Variants in CCDC185 observed in about 807,000 individuals in gnomAD.
CCDC185 encodes the protein coiled-coil domain containing 185.
For synonymous variants in CCDC185, 381 were observed against 348.1 expected, an observed-to-expected ratio of 1.09 and a Z score of -1.05; for missense variants, 982 against 825.3, an observed-to-expected ratio of 1.19 and a Z score of -2.33.
In CCDC185 at chr1:223,394,516, G is replaced by A; in HGVS notation, c.1041G>A (p.Lys347=). Residue 347 remains lysine (K), a synonymous_variant, in exon 1 of 1, where the codon AAG becomes AAA. Coordinates refer to ENST00000366875, the MANE Select transcript of CCDC185 (RefSeq NM_152610.3). Reference sequence around the variant, plus strand: ...TGCCCCCGGGGGAAAGCCGGTGGAAGGAGCAACCAGAGGACCAGGAGAGCC... The same window carrying A: ...TGCCCCCGGGGGAAAGCCGGTGGAAAGAGCAACCAGAGGACCAGGAGAGCC... ...KNVPPGESRW[K]EQPEDQESPR... is the part of the protein sequence containing the mutation. The A allele has an allele frequency of 1.3e-6, 2 of 1,592,652 alleles. No homozygotes were observed. Among genetic ancestry groups the A allele is most frequent in the Non-Finnish European group, 1.7e-6 (2 of 1,170,292 alleles).
Position 223,395,429 on chromosome 1 carries a change from A to G in CCDC185, c.*82A>G. ...TCCTTTTGTAATCTGATTATAATTG[A>G]ACATTGATTTTAAAAAAGCATGTAA... On this transcript the variant is annotated 3_prime_UTR_variant, in exon 1 of 1. Transcript: ENST00000366875. 6.9e-6 allele frequency: 9 copies of G among 1,305,412 alleles called. No individual in the cohort carries two copies. Among genetic ancestry groups the G allele is most frequent in the Non-Finnish European group, 9.0e-6 (9 of 1,000,460 alleles). The allele number at this position is 1,305,412 out of a possible 1,614,324, so 80.9% of individuals were successfully genotyped here.
rs1390039277 is a variant in CCDC185, at chr1:223,393,943, C to T, written c.468C>T (p.Pro156=). ...CTTGCCCCGGAGGAGCTGGCACTCC[C>T]CTGAGTGGCACATTCAGGGTAGAAA... ...PPPCPGGAGT[P]LSGTFRVEKA... Residue 156 remains proline (P), a synonymous_variant, in exon 1 of 1, where the codon CCC becomes CCT. Coordinates refer to ENST00000366875, the MANE Select transcript of CCDC185 (RefSeq NM_152610.3). The surrounding 1 kb of genome is among the most constrained non-coding windows in gnomAD (Gnocchi z 4.8). 6.2e-7 allele frequency: 1 copy of T among 1,613,540 alleles called. No individual in the cohort carries two copies. The highest frequency in any genetic ancestry group is 1.3e-5 in the African/African-American group (1 of 75,070).
Position 223,394,352 on chromosome 1 carries a change from A to G in CCDC185, c.877A>G (p.Lys293Glu), listed in dbSNP as rs1669616875. The G allele has an allele frequency of 6.3e-7, 1 of 1,590,552 alleles. No homozygotes were observed. Among genetic ancestry groups the G allele is most frequent in the African/African-American group, 1.3e-5 (1 of 74,524 alleles). ...AWEELKRSDQ[K>E]VQMTLERERR... ...GGAGGAGCTGAAGCGCTCGGATCAG[A>G]AGGTCCAGATGACCCTGGAGCGGGA... Residue 293 changes from lysine (K) to glutamate (E), a missense_variant, in exon 1 of 1, where the codon AAG becomes GAG. Coordinates refer to ENST00000366875, the MANE Select transcript of CCDC185 (RefSeq NM_152610.3).
Position 223,394,298 on chromosome 1 carries a change from G to C in CCDC185, c.823G>C (p.Glu275Gln). The change falls in exon 1 of 1, where the codon GAG becomes CAG. Residue 275 changes from glutamate (E) to glutamine (Q), a missense_variant. Physicochemically the swap from Glu to Gln is conservative, Grantham distance 29 (BLOSUM62 2). Coordinates refer to ENST00000366875, the MANE Select transcript of CCDC185 (RefSeq NM_152610.3). Reference sequence around the variant, plus strand: ...TCTCAAGAAGGCCCAGAGGATACGGGAGCTGCAGCAGCAGGCGGCTAAGGC... The same window carrying C: ...TCTCAAGAAGGCCCAGAGGATACGGCAGCTGCAGCAGCAGGCGGCTAAGGC... ...TRLKKAQRIR[E>Q]LQQQAAKAWE... 1 of 1,613,082 alleles carries C rather than the reference G, an allele frequency of 6.2e-7. No individual in the cohort carries two copies. Among genetic ancestry groups the C allele is most frequent in the African/African-American group, 1.3e-5 (1 of 75,042 alleles).
Position 223,394,052 on chromosome 1 carries a change from T to G in CCDC185, c.577T>G (p.Ser193Ala). The change falls in exon 1 of 1, where the codon TCT becomes GCT. Residue 193 changes from serine to alanine, a missense_variant. Ser to Ala is a moderately conservative substitution (Grantham distance 99, BLOSUM62 1). Transcript: ENST00000366875. ...WSPSSVPSERSSVPSQKFKRH... is the reference protein window; with the variant it reads ...WSPSSVPSERASVPSQKFKRH... Reference sequence around the variant, plus strand: ...CCCTTCCTCAGTTCCCTCGGAGCGGTCTTCTGTGCCCTCGCAAAAGTTCAA... The same window carrying G: ...CCCTTCCTCAGTTCCCTCGGAGCGGGCTTCTGTGCCCTCGCAAAAGTTCAA... 1 of 1,614,098 alleles carries G rather than the reference T, an allele frequency of 6.2e-7. No individual in the cohort carries two copies. The highest frequency in any genetic ancestry group is 1.1e-5 in the South Asian group (1 of 91,082).
Position 223,394,821 on chromosome 1 carries a change from A to T in CCDC185, c.1346A>T (p.Gln449Leu). 1 of 1,613,732 alleles carries T rather than the reference A, an allele frequency of 6.2e-7. No individual in the cohort carries two copies. Among genetic ancestry groups the T allele is most frequent in the Admixed American group, 1.7e-5 (1 of 60,018 alleles). Reference sequence around the variant, plus strand: ...GCCAAGGCTGAGGAGCTCCTTAGGCAGCTGTCCCTGGAACAAAGTTTCCAG... The same window carrying T: ...GCCAAGGCTGAGGAGCTCCTTAGGCTGCTGTCCCTGGAACAAAGTTTCCAG... ...CQAKAEELLRQLSLEQSFQRS... is the reference protein window; with the variant it reads ...CQAKAEELLRLLSLEQSFQRS... Residue 449 changes from glutamine to leucine, a missense_variant, in exon 1 of 1, where the codon CAG becomes CTG. Gln to Leu is a moderately radical substitution (Grantham distance 113). Coordinates refer to ENST00000366875, the MANE Select transcript of CCDC185 (RefSeq NM_152610.3).
Position 223,395,273 on chromosome 1 carries a change from C to A in CCDC185, c.1798C>A (p.Pro600Thr). 1 of 1,574,204 alleles carries A rather than the reference C, an allele frequency of 6.4e-7. No homozygotes were observed. Among genetic ancestry groups the A allele is most frequent in the Non-Finnish European group, 8.6e-7 (1 of 1,164,402 alleles). Residue 600 changes from proline to threonine, a missense_variant, in exon 1 of 1, where the codon CCT (proline) becomes ACT (threonine). Transcript: ENST00000366875. ...GGCCTCCAGGAGAGAGGAGAGAGCG[C>A]CTCCCAACAGCTCCCTTGATCAGAT... The part of the protein sequence containing the change: ...PQASRREERA[P>T]PNSSLDQMVL...
In CCDC185 at chr1:223,393,610, G is replaced by C. The variant is rs1412252505; in HGVS notation, c.135G>C (p.Arg45=). 6.6e-7 allele frequency: 1 copy of C among 1,526,182 alleles called. No individual in the cohort carries two copies. Among genetic ancestry groups the C allele is most frequent in the Non-Finnish European group, 8.8e-7 (1 of 1,139,952 alleles). 94.5% of individuals were successfully genotyped at this position (1,526,182 alleles called of 1,614,324 possible). The part of the protein sequence containing the change: ...RSGADSTACS[R]AGTPGAESEA... ...GAGCCGACTCCACCGCGTGCTCCCG[G>C]GCCGGGACTCCGGGTGCGGAGAGCG... The change falls in exon 1 of 1, where the codon CGG becomes CGC. Residue 45 remains arginine, a synonymous_variant. Coordinates refer to ENST00000366875, the MANE Select transcript of CCDC185 (RefSeq NM_152610.3). The surrounding 1 kb of genome is among the most constrained non-coding windows in gnomAD (Gnocchi z 4.8).
rs1669624924 is a variant in CCDC185, at chr1:223,394,699, G to A, written c.1224G>A (p.Arg408=). The stretch of plus-strand genomic sequence containing the variant: ...GGCTGGTGGAAGCCTGTCGCAAGAG[G>A]CACCTACATGCCGTGGAGGGCCAGA... ...QRRLVEACRK[R]HLHAVEGQKK... is the part of the protein sequence containing the mutation. Residue 408 remains arginine, a synonymous_variant, in exon 1 of 1, where the codon AGG becomes AGA. Coordinates refer to ENST00000366875, the MANE Select transcript of CCDC185 (RefSeq NM_152610.3). The A allele has an allele frequency of 4.3e-6, 7 of 1,611,614 alleles. No individual in the cohort carries two copies. The highest frequency in any genetic ancestry group is 1.1e-5 in the South Asian group (1 of 90,786).
chr1:223,395,216 C>G lies in CCDC185; in HGVS notation c.1741C>G (p.Pro581Ala). The G allele has an allele frequency of 1.2e-6, 2 of 1,612,126 alleles. No homozygotes were observed. Among genetic ancestry groups the G allele is most frequent in the Non-Finnish European group, 1.7e-6 (2 of 1,179,422 alleles). ...RVQHISQGKD[P>A]NFQEFQKLPQ... ...GCAGCACATTTCCCAAGGGAAAGACCCAAACTTCCAGGAGTTCCAGAAGCT... is the reference window on the plus strand; with the variant it reads ...GCAGCACATTTCCCAAGGGAAAGACGCAAACTTCCAGGAGTTCCAGAAGCT... Residue 581 changes from proline to alanine, a missense_variant, in exon 1 of 1, where the codon CCA (proline) becomes GCA (alanine). Coordinates refer to ENST00000366875, the MANE Select transcript of CCDC185 (RefSeq NM_152610.3).
rs372614225 is a variant in CCDC185, at chr1:223,393,600, C to G, written c.125C>G (p.Ala42Gly). 2 of 1,527,724 alleles carry G rather than the reference C, an allele frequency of 1.3e-6. No individual in the cohort carries two copies. The highest frequency in any genetic ancestry group is 2.5e-5 in the South Asian group (2 of 78,982). 94.6% of individuals were successfully genotyped at this position (1,527,724 alleles called of 1,614,324 possible). A position where few individuals can be genotyped will look rare whatever the true frequency, so the allele number is the denominator to read the frequency against. Reference protein sequence around the residue: ...GGQRSGADSTACSRAGTPGAE... With the variant: ...GGQRSGADSTGCSRAGTPGAE... ...CAGAGGTCCGGAGCCGACTCCACCG[C>G]GTGCTCCCGGGCCGGGACTCCGGGT... Residue 42 changes from alanine (A) to glycine (G), a missense_variant, in exon 1 of 1, where the codon GCG becomes GGG. Transcript: ENST00000366875. The surrounding 1 kb of genome is among the most constrained non-coding windows in gnomAD (Gnocchi z 4.8).
chr1:223,393,954 C>A lies in CCDC185; in HGVS notation c.479C>A (p.Thr160Lys). The change falls in exon 1 of 1, where the codon ACA (threonine) becomes AAA (lysine). Residue 160 changes from threonine (T) to lysine (K), a missense_variant. Thr to Lys is a moderately conservative substitution (Grantham distance 78, BLOSUM62 -1). Transcript: ENST00000366875. The surrounding 1 kb of genome is among the most constrained non-coding windows in gnomAD (Gnocchi z 4.8). ...PGGAGTPLSG[T>K]FRVEKAQGGD... is the part of the protein sequence containing the mutation. ...GGAGCTGGCACTCCCCTGAGTGGCA[C>A]ATTCAGGGTAGAAAAGGCACAGGGT... 1 of 1,613,808 alleles carries A rather than the reference C, an allele frequency of 6.2e-7. No individual in the cohort carries two copies. The highest frequency in any genetic ancestry group is 8.5e-7 in the Non-Finnish European group (1 of 1,179,954).
At position 223,393,500 on chromosome 1, in the gene CCDC185, C is replaced by A; in HGVS notation, c.25C>A (p.Gln9Lys). The A allele has an allele frequency of 6.6e-7, 1 of 1,513,564 alleles. No individual in the cohort carries two copies. Among genetic ancestry groups the A allele is most frequent in the South Asian group, 1.3e-5 (1 of 78,194 alleles). 93.8% of individuals were successfully genotyped at this position (1,513,564 alleles called of 1,614,324 possible). MAGFSHFS[Q>K]PPYRDLWEPP... The stretch of plus-strand genomic sequence containing the variant: ...GATGGCAGGCTTCAGCCACTTCTCC[C>A]AGCCGCCCTACCGGGATCTCTGGGA... The change falls in exon 1 of 1, where the codon CAG (glutamine) becomes AAG (lysine). Residue 9 changes from glutamine to lysine, a missense_variant. Coordinates refer to ENST00000366875, the MANE Select transcript of CCDC185 (RefSeq NM_152610.3). The surrounding 1 kb of genome is among the most constrained non-coding windows in gnomAD (Gnocchi z 4.8).
chr1:223,393,515 G>A lies in CCDC185; in HGVS notation c.40G>A (p.Asp14Asn). 6.5e-7 allele frequency: 1 copy of A among 1,543,374 alleles called. No homozygotes were observed. The highest frequency in any genetic ancestry group is 8.7e-7 in the Non-Finnish European group (1 of 1,147,408). The change falls in exon 1 of 1, where the codon GAT becomes AAT. Residue 14 changes from aspartate (D) to asparagine (N), a missense_variant. By Grantham distance (23) the Asp-to-Asn change is conservative. Transcript: ENST00000366875. The surrounding 1 kb of genome is among the most constrained non-coding windows in gnomAD (Gnocchi z 4.8). ...CCACTTCTCCCAGCCGCCCTACCGG[G>A]ATCTCTGGGAACCCCCGCGGCCCGG... ...FSHFSQPPYR[D>N]LWEPPRPGGE...
Position 223,395,088 on chromosome 1 carries a change from T to A in CCDC185, c.1613T>A (p.Leu538Gln), listed in dbSNP as rs1281449746. ...CAGCACCTCCGGGAGCTCAACCACC[T>A]GAGGGAGAAAAACCACCACATCCTG... ...KVQHLRELNHLREKNHHILKL... is the reference protein window; with the variant it reads ...KVQHLRELNHQREKNHHILKL... Residue 538 changes from leucine to glutamine, a missense_variant, in exon 1 of 1, where the codon CTG becomes CAG. Physicochemically the swap from Leu to Gln is moderately radical, Grantham distance 113. Transcript: ENST00000366875. 9.9e-6 allele frequency: 16 copies of A among 1,613,918 alleles called. No homozygotes were observed. Among genetic ancestry groups the A allele is most frequent in the Non-Finnish European group, 1.4e-5 (16 of 1,180,018 alleles).
chr1:223,395,343 A>G lies in CCDC185; in HGVS notation c.1868A>G (p.Tyr623Cys). 2 of 1,507,042 alleles carry G rather than the reference A, an allele frequency of 1.3e-6. No individual in the cohort carries two copies. Among genetic ancestry groups the G allele is most frequent in the South Asian group, 2.8e-5 (2 of 70,992 alleles). The allele number at this position is 1,507,042 out of a possible 1,614,324, so 93.4% of individuals were successfully genotyped here. Residue 623 changes from tyrosine (Y) to cysteine (C), a missense_variant, in exon 1 of 1, where the codon TAC (tyrosine) becomes TGC (cysteine). Physicochemically the swap from Tyr to Cys is radical, Grantham distance 194. Coordinates refer to ENST00000366875, the MANE Select transcript of CCDC185 (RefSeq NM_152610.3). ...QLRACQQNRG[Y>C] ...CGTGCCTGTCAGCAGAACAGGGGTT[A>G]CTGAGAACCAAGGACGCCTGGCTTA... is the stretch of plus-strand genomic sequence containing the variant.
chr1:223,395,386 G>T lies in CCDC185; in HGVS notation c.*39G>T, dbSNP rs759776967. The T allele has an allele frequency of 6.8e-7, 1 of 1,464,784 alleles. No individual in the cohort carries two copies. The highest frequency in any genetic ancestry group is 9.0e-7 in the Non-Finnish European group (1 of 1,105,808). The allele number at this position is 1,464,784 out of a possible 1,614,324, so 90.7% of individuals were successfully genotyped here. A position where few individuals can be genotyped will look rare whatever the true frequency, so the allele number is the denominator to read the frequency against. The stretch of plus-strand genomic sequence containing the variant: ...CTGGCTTACAGTGCGCAGCCAGAAG[G>T]AGATGTGGCAATGTGATTCCTTTTG... On this transcript the variant is annotated 3_prime_UTR_variant, in exon 1 of 1. Transcript: ENST00000366875.
Position 223,394,474 on chromosome 1 carries a change from C to T in CCDC185, c.999C>T (p.Asp333=). 6.4e-7 allele frequency: 1 copy of T among 1,573,302 alleles called. No individual in the cohort carries two copies. Among genetic ancestry groups the T allele is most frequent in the African/African-American group, 1.3e-5 (1 of 74,120 alleles). The change falls in exon 1 of 1, where the codon GAC becomes GAT. Residue 333 remains aspartate (D), a synonymous_variant. Coordinates refer to ENST00000366875, the MANE Select transcript of CCDC185 (RefSeq NM_152610.3). ...CTGAGCAGCGCGGCCTGCGGCGGGACAGCCAGAGGAAGAACGTGCCCCCGG... is the reference window on the plus strand; with the variant it reads ...CTGAGCAGCGCGGCCTGCGGCGGGATAGCCAGAGGAAGAACGTGCCCCCGG... ...QSPEQRGLRR[D]SQRKNVPPGE... is the part of the protein sequence containing the mutation.
chr1:223,395,064 A>G lies in CCDC185; in HGVS notation c.1589A>G (p.Gln530Arg). The change falls in exon 1 of 1, where the codon CAG becomes CGG. Residue 530 changes from glutamine (Q) to arginine (R), a missense_variant. Physicochemically the swap from Gln to Arg is conservative, Grantham distance 43. Coordinates refer to ENST00000366875, the MANE Select transcript of CCDC185 (RefSeq NM_152610.3). ...CACAAGACCACTAGGGACAAGGTGCAGCACCTCCGGGAGCTCAACCACCTG... is the reference window on the plus strand; with the variant it reads ...CACAAGACCACTAGGGACAAGGTGCGGCACCTCCGGGAGCTCAACCACCTG... The part of the protein sequence containing the change: ...HVHKTTRDKV[Q>R]HLRELNHLRE... 6.2e-7 allele frequency: 1 copy of G among 1,613,866 alleles called. No homozygotes were observed. Among genetic ancestry groups the G allele is most frequent in the Non-Finnish European group, 8.5e-7 (1 of 1,179,946 alleles).
Sources: allele counts gnomAD v4.1 joint callset, GRCh38; gene constraint gnomAD v4.1.1; non-coding constraint Gnocchi (gnomAD v3.1); transcripts MANE v1.5; gene names NCBI Gene and HGNC (gene_info 2026-07-23, HGNC 2026-07-21).